The following ATP2B2 variants were observed in gnomAD, a reference collection of about 807,000 sequenced individuals.
The protein encoded by ATP2B2 is ATPase plasma membrane Ca2+ transporting 2.
A neutral mutation model predicts 120.0 loss-of-function variants in ATP2B2; 15 were observed. That is an observed-to-expected ratio of 0.12 (90% CI 0.08 to 0.19). The LOEUF (loss-of-function observed/expected upper bound fraction) is 0.19, where lower values mean the gene tolerates loss of function less well. ATP2B2 is among the 10% of genes least tolerant of loss of function. ATP2B2 has a pLI of 1.00. For synonymous variants in ATP2B2, 694 were observed against 700.3 expected (o/e 0.99, Z 0.14); for missense variants, 1,045 against 1,719.8 (o/e 0.61, Z 6.94).
chr3:10,629,467 A>G (rs1403460660), intron 1 of ATP2B2, among the ~76,000 whole-genome samples: 8 of 152,228 alleles, frequency 5.3e-5, no homozygotes, highest in African/African-American at 1.9e-4. Flanking sequence ...TTGATAGGGC[A>G]CATTTCCCGC....
At chr3:10,686,429 C>T (rs989900642) in intron 1 of ATP2B2, among the ~76,000 whole-genome samples, 5 of 152,058 alleles carry the variant, frequency 3.3e-5, no homozygotes, top group East Asian at 1.9e-4. Context: ...CCGAGGCGGG[C>T]GGATTGCAAG....
At chr3:10,689,642 C>T (rs904498631) in intron 1 of ATP2B2, among the ~76,000 whole-genome samples, 1 of 152,166 alleles carries the variant, frequency 6.6e-6, no homozygotes, top group Non-Finnish European at 1.5e-5. Context: ...TTTCTCTTAG[C>T]TTTCTAGAAA....
chr3:10,609,313 C>A (rs2069167189), intron 2 of ATP2B2, among the ~76,000 whole-genome samples: 1 of 151,840 alleles, frequency 6.6e-6, no homozygotes, highest in Non-Finnish European at 1.5e-5. Flanking sequence ...TGGCTGCCAG[C>A]AGCAGGGCAG....
At chr3:10,581,876 C>A (rs967728066) in intron 2 of ATP2B2, among the ~76,000 whole-genome samples, 3 of 152,210 alleles carry the variant, frequency 2.0e-5, no homozygotes, top group African/African-American at 7.2e-5. Context: ...CAGTGCCTGG[C>A]ACAGAGTAAG....
intron 1 of ATP2B2, among the ~76,000 whole-genome samples, chr3:10,641,184 T>C (rs1173397882): frequency 1.3e-5 from 2 of 152,222 alleles, no homozygotes; most frequent in Admixed American, 6.5e-5. Flanking sequence ...TGGGGCAGCA[T>C]AGCTTTTGTA....
At chr3:10,638,928 T>C (rs1302357618) in intron 1 of ATP2B2, among the ~76,000 whole-genome samples, 1 of 152,174 alleles carries the variant, frequency 6.6e-6, no homozygotes. Flanking sequence ...TGATTAAGCA[T>C]CTAATAAGGC....
rs999613575 is a variant in ATP2B2, at chr3:10,359,003, C to T, written c.1902-78G>A. 30 of 1,361,454 alleles carry T rather than the reference C, an allele frequency of 2.2e-5. No individual in the cohort carries two copies. The Admixed American group carries it at 3.4e-4, about 15-fold the overall frequency. 84.3% of individuals were successfully genotyped at this position (1,361,454 alleles called of 1,614,324 possible). A position where few individuals can be genotyped will look rare whatever the true frequency, so the allele number is the denominator to read the frequency against. ...GGCTTAGAGACCACCTCCCCACCCT[C>T]GTGATGCCCAGCTAGCTGTGGCTGG... is the stretch of plus-strand genomic sequence containing the variant. On this transcript the variant is annotated intron_variant, in intron 13 of 22. Coordinates refer to ENST00000360273, the MANE Select transcript of ATP2B2 (RefSeq NM_001001331.4).
chr3:10,325,106 G>A lies in ATP2B2; in HGVS notation c.*3708C>T, dbSNP rs979439934. ...CTCTCAAGATCAGGATGCCCTTTTTGTCCCTCTTTACAGAACATAGTCTAT... is the reference window on the plus strand; with the variant it reads ...CTCTCAAGATCAGGATGCCCTTTTTATCCCTCTTTACAGAACATAGTCTAT... On this transcript the variant is annotated 3_prime_UTR_variant, in exon 23 of 23. Coordinates refer to ENST00000360273, the MANE Select transcript of ATP2B2 (RefSeq NM_001001331.4). The A allele has an allele frequency of 8.5e-5, 13 of 152,048 alleles. No individual in the cohort carries two copies. Among genetic ancestry groups the A allele is most frequent in the Admixed American group, 7.2e-4 (11 of 15,260 alleles). 9.4% of individuals were successfully genotyped at this position (152,048 alleles called of 1,614,324 possible).
chr3:10,447,475 T>C (rs373539558), intron 2 of ATP2B2, among the ~76,000 whole-genome samples: 3 of 152,306 alleles, frequency 2.0e-5, no homozygotes, highest in South Asian at 4.1e-4. Context: ...CCACAAATAG[T>C]GTGAGCCACA....
intron 2 of ATP2B2, among the ~76,000 whole-genome samples, chr3:10,569,328 AAC>A (rs2068074819): frequency 6.6e-6 from 1 of 152,196 alleles, no homozygotes; most frequent in Non-Finnish European, 1.5e-5. Flanking sequence ...GGGAAGAATT[AAC>A]CCTATTTTGC....
rs77517977 is a variant in ATP2B2 at position 10,459,432 on chromosome 3, G to A, written c.-319-9570C>T. Among the ~76,000 whole-genome samples the A allele has an allele frequency of 3.9e-3, 587 of 152,294 alleles. 3 individuals are homozygous for A. Among genetic ancestry groups the A allele is most frequent in the African/African-American group, 0.013 (559 of 41,540 alleles). Reference sequence around the variant, plus strand: ...TGGGGATGGTGGCCCTGCCTGGGATGGGCCAGCGGCTCTGGACATTGTACT... The same window carrying A: ...TGGGGATGGTGGCCCTGCCTGGGATAGGCCAGCGGCTCTGGACATTGTACT... On this transcript the variant is annotated intron_variant, in intron 1 of 22. Coordinates refer to ENST00000360273, the MANE Select transcript of ATP2B2 (RefSeq NM_001001331.4).
At chr3:10,356,637 G>A (rs1005961451) in intron 14 of ATP2B2, among the ~76,000 whole-genome samples, 26 of 152,194 alleles carry the variant, frequency 1.7e-4, no homozygotes, top group Non-Finnish European at 3.2e-4. Flanking sequence ...GGGAGGGCCC[G>A]GGAAGGGGGA....
At chr3:10,519,253 G>T (rs1205504815) in intron 3 of ATP2B2, among the ~76,000 whole-genome samples, 1 of 152,194 alleles carries the variant, frequency 6.6e-6, no homozygotes, top group East Asian at 1.9e-4. Context: ...CTGTGGATTT[G>T]CCCTGTTTGT....
intron 1 of ATP2B2, among the ~76,000 whole-genome samples, chr3:10,655,648 C>G (rs1239995039): frequency 6.6e-6 from 1 of 152,136 alleles, no homozygotes; most frequent in African/African-American, 2.4e-5. Context: ...AAGAACAGGC[C>G]CCATGTCCCT....
In ATP2B2 at chr3:10,400,968, G is replaced by C. The variant is rs1241347106; in HGVS notation, c.766C>G (p.Pro256Ala). The C allele has an allele frequency of 5.0e-6, 8 of 1,613,940 alleles. No individual in the cohort carries two copies. In the Admixed American group the frequency reaches 1.3e-4, roughly 27 times the overall value. Reference protein sequence around the residue: ...DQVRKSVDKDPMLLSGTHVME... With the variant: ...DQVRKSVDKDAMLLSGTHVME... ...TGAAGCTCACCTGACAGCAGCATGG[G>C]GTCCTTGTCCACGGACTTGCGCACC... Residue 256 changes from proline to alanine, a missense_variant, in exon 5 of 23, where the codon CCC becomes GCC. Pro to Ala is a conservative substitution (Grantham distance 27). Around this residue, in one of 11 missense-constraint regions of ATP2B2, gnomAD observed 145 missense variants for 202.0 expected, o/e 0.72. Transcript: ENST00000360273.
intron 2 of ATP2B2, among the ~76,000 whole-genome samples, chr3:10,618,838 A>G (rs1436135776): frequency 6.6e-6 from 1 of 152,184 alleles, no homozygotes; most frequent in Non-Finnish European, 1.5e-5. Flanking sequence ...CATAATCTCT[A>G]AACTTAGAAG....
At chr3:10,540,823 C>A (rs1405584785) in intron 2 of ATP2B2, among the ~76,000 whole-genome samples, 1 of 149,824 alleles carries the variant, frequency 6.7e-6, no homozygotes, top group Non-Finnish European at 1.5e-5. Context: ...ACATATGTAA[C>A]AAACCTTCAC....
chr3:10,598,756 T>C (rs1454714737), intron 2 of ATP2B2, among the ~76,000 whole-genome samples: 1 of 152,246 alleles, frequency 6.6e-6, no homozygotes, highest in Non-Finnish European at 1.5e-5. Flanking sequence ...TGTTTGCTGA[T>C]TGACTGCATA....
At chr3:10,704,151 C>A (rs2071861494) in intron 1 of ATP2B2, among the ~76,000 whole-genome samples, 1 of 152,214 alleles carries the variant, frequency 6.6e-6, no homozygotes, top group African/African-American at 2.4e-5. Context: ...AAGTAAAATT[C>A]TTTTTAGAGG....
Sources: allele counts gnomAD v4.1 joint callset (sites outside exome capture counted in the v4.1 genomes callset), GRCh38; gene constraint gnomAD v4.1.1; regional missense constraint gnomAD v4.1.1; transcripts MANE v1.5; gene names NCBI Gene and HGNC (gene_info 2026-07-23, HGNC 2026-07-21).